Variants in PIK3CA observed in about 807,000 individuals in gnomAD.
PIK3CA encodes phosphatidylinositol-4,5-bisphosphate 3-kinase catalytic subunit alpha.
Under a neutral mutation model 138.2 loss-of-function variants are expected in PIK3CA, and 27 were observed. The ratio of observed to expected loss-of-function variants is 0.20; its 90% CI spans 0.14 to 0.27. The LOEUF (loss-of-function observed/expected upper bound fraction) is 0.27. Among genes scored for constraint, PIK3CA ranks in the 10% least tolerant of loss-of-function variants. The pLI is 1.00. For synonymous variants in PIK3CA, 358 were observed against 413.2 expected, an observed-to-expected ratio of 0.87 and a Z score of 1.62; for missense variants, 544 against 1,277.4, an observed-to-expected ratio of 0.43 and a Z score of 8.75.
chr3:179,169,239 C>G (rs1415729075), intron 1 of PIK3CA: 2 of 152,202 alleles, frequency 1.3e-5, no homozygotes, highest in African/African-American at 4.8e-5. Flanking sequence ...TTTCTCTCCC[C>G]CTGCCTTCTC....
At chr3:179,179,865 T>A (rs1723796184) in intron 1 of PIK3CA, among the ~76,000 whole-genome samples, 1 of 152,168 alleles carries the variant, frequency 6.6e-6, no homozygotes, top group East Asian at 1.9e-4. Context: ...TTAATAAGAC[T>A]GTGAAGGGAC....
intron 1 of PIK3CA, among the ~76,000 whole-genome samples, chr3:179,195,201 G>A (rs1724235872): frequency 6.7e-6 from 1 of 150,006 alleles, no homozygotes; most frequent in Non-Finnish European, 1.5e-5. Flanking sequence ...CCACCTTCAG[G>A]TATTAGCACT....
At chr3:179,183,915 G>T (rs988922604) in intron 1 of PIK3CA, among the ~76,000 whole-genome samples, 32 of 152,282 alleles carry the variant, frequency 2.1e-4, no homozygotes, top group African/African-American at 7.5e-4. Context: ...TGTGTTAACT[G>T]ATGCATAATT....
chr3:179,223,169 A>G (rs184774353), intron 14 of PIK3CA, among the ~76,000 whole-genome samples: 68 of 152,362 alleles, frequency 4.5e-4, no homozygotes, highest in African/African-American at 1.6e-3. Flanking sequence ...TACATGAACA[A>G]GAGCTATCTA....
At chr3:179,150,374 A>G (rs1278270285) in intron 1 of PIK3CA, among the ~76,000 whole-genome samples, 2 of 152,290 alleles carry the variant, frequency 1.3e-5, no homozygotes, top group Non-Finnish European at 2.9e-5. Context: ...TGGGGGAAAT[A>G]ACAAGAAAGT....
chr3:179,189,151 T>A (rs1436618199), intron 1 of PIK3CA, among the ~76,000 whole-genome samples: 2 of 152,058 alleles, frequency 1.3e-5, no homozygotes. Flanking sequence ...TAAACAGAGG[T>A]TGCAGTGAGC....
In PIK3CA at chr3:179,237,960, ATTTAAG is replaced by A. The variant is rs1200846296; in HGVS notation, c.*3602_*3607del. 1 of 214,248 alleles carries A rather than the reference ATTTAAG, an allele frequency of 4.7e-6. No homozygotes were observed. Among genetic ancestry groups the A allele is most frequent in the African/African-American group, 2.3e-5 (1 of 44,242 alleles). 13.3% of individuals were successfully genotyped at this position (214,248 alleles called of 1,614,324 possible). ...TTGATGTCCAAGACATCACTAAAAT[ATTTAAG>A]TTTAAAGATAATATGTGGTGTTAAT... is the stretch of plus-strand genomic sequence containing the variant. On this transcript the variant is annotated 3_prime_UTR_variant, in exon 21 of 21. Coordinates refer to ENST00000263967, the MANE Select transcript of PIK3CA (RefSeq NM_006218.4).
intron 1 of PIK3CA, among the ~76,000 whole-genome samples, chr3:179,192,871 C>A (rs1724169167): frequency 6.6e-6 from 1 of 152,170 alleles, no homozygotes; most frequent in Admixed American, 6.5e-5. Flanking sequence ...GGCTTTCAAT[C>A]TAGGGATTAA....
At position 179,201,560 on chromosome 3, in the gene PIK3CA, A is replaced by G; in HGVS notation, c.813+20A>G. 6.7e-7 allele frequency: 1 copy of G among 1,497,038 alleles called. No homozygotes were observed. The highest frequency in any genetic ancestry group is 9.1e-7 in the Non-Finnish European group (1 of 1,102,380). 92.7% of individuals were successfully genotyped at this position (1,497,038 alleles called of 1,614,324 possible). On this transcript the variant is annotated intron_variant, in intron 4 of 20. Coordinates refer to ENST00000263967, the MANE Select transcript of PIK3CA (RefSeq NM_006218.4). The stretch of plus-strand genomic sequence containing the variant: ...TATAAGGTGAGTAACAAGTTTCAAA[A>G]TATTAATTTTTAATTTAAAAAGTAA...
chr3:179,165,439 C>A (rs1723394582), intron 1 of PIK3CA, among the ~76,000 whole-genome samples: 2 of 152,098 alleles, frequency 1.3e-5, no homozygotes, highest in South Asian at 4.2e-4. Context: ...GACACCCAGG[C>A]TGGAGTGCAG....
chr3:179,204,930 A>T (rs946954642), intron 6 of PIK3CA, among the ~76,000 whole-genome samples: 3 of 145,212 alleles, frequency 2.1e-5, no homozygotes, highest in African/African-American at 5.1e-5. Flanking sequence ...CTGAGGCAGG[A>T]GAATCGCTTG....
intron 9 of PIK3CA, among the ~76,000 whole-genome samples, chr3:179,212,249 C>A (rs1320229984): frequency 6.7e-6 from 1 of 150,288 alleles, no homozygotes; most frequent in Non-Finnish European, 1.5e-5. Flanking sequence ...TTCATGTGAT[C>A]CACCCGCCTC....
chr3:179,198,707 T>C (rs563849688), intron 1 of PIK3CA, 43 bp from the exon 2 acceptor site: 1 of 558,166 alleles, frequency 1.8e-6, no homozygotes, highest in East Asian at 3.0e-5. Context: ...TATTCTTCTG[T>C]AGTTGTGTCT....
chr3:179,150,807 C>A (rs1393590312), intron 1 of PIK3CA, among the ~76,000 whole-genome samples: 1 of 152,170 alleles, frequency 6.6e-6, no homozygotes, highest in Admixed American at 6.5e-5. Context: ...ATAACTTTTT[C>A]TCTAAACCAG....
intron 1 of PIK3CA, among the ~76,000 whole-genome samples, chr3:179,164,286 A>G (rs1207370802): frequency 6.6e-6 from 1 of 152,184 alleles, no homozygotes; most frequent in Non-Finnish European, 1.5e-5. Flanking sequence ...GTGCACCGCT[A>G]TATTTCCGAT....
rs1437711989 is a variant in PIK3CA, at chr3:179,237,666, T to A, written c.*3302T>A. 3 of 209,564 alleles carry A rather than the reference T, an allele frequency of 1.4e-5. No homozygotes were observed. The East Asian group carries it at 2.2e-4, about 15-fold the overall frequency. 13.0% of individuals were successfully genotyped at this position (209,564 alleles called of 1,614,324 possible). On this transcript the variant is annotated 3_prime_UTR_variant, in exon 21 of 21. Coordinates refer to ENST00000263967, the MANE Select transcript of PIK3CA (RefSeq NM_006218.4). ...GAGTGATTTGGAATTATAAAAAAAT[T>A]GTGAGCAGCCTATTTGAAAGGCATC...
At chr3:179,178,806 C>T (rs1560129989) in intron 1 of PIK3CA, among the ~76,000 whole-genome samples, 1 of 152,136 alleles carries the variant, frequency 6.6e-6, no homozygotes, top group South Asian at 2.1e-4. Flanking sequence ...AATCCTCTTC[C>T]GTAGAGTCTC....
intron 10 of PIK3CA, 79 bp downstream of exon 10, chr3:179,218,413 GTTTTTACCATACCTATT>G (rs1224040731): frequency 8.8e-7 from 1 of 1,140,612 alleles, no homozygotes; most frequent in Non-Finnish European, 1.2e-6. Flanking sequence ...ATCTCAGCAT[GTTTTTACCATACCTATT>G]GGAATAAATA....
In PIK3CA at chr3:179,235,768, T is replaced by C. The variant is rs756843284; in HGVS notation, c.*1404T>C. On this transcript the variant is annotated 3_prime_UTR_variant, in exon 21 of 21. Coordinates refer to ENST00000263967, the MANE Select transcript of PIK3CA (RefSeq NM_006218.4). Reference sequence around the variant, plus strand: ...AGTAGAACATTAAACCATTTTAAGATATGTCTCATTCCCAAGTAGTCAGAG... The same window carrying C: ...AGTAGAACATTAAACCATTTTAAGACATGTCTCATTCCCAAGTAGTCAGAG... 44 of 212,158 alleles carry C rather than the reference T, an allele frequency of 2.1e-4. No individual in the cohort carries two copies. The highest frequency in any genetic ancestry group is 3.0e-3 in the Middle Eastern group (2 of 658). The allele number at this position is 212,158 out of a possible 1,614,324, so 13.1% of individuals were successfully genotyped here.
Sources: allele counts gnomAD v4.1 joint callset (sites outside exome capture counted in the v4.1 genomes callset), GRCh38; gene constraint gnomAD v4.1.1; transcripts MANE v1.5; gene names NCBI Gene and HGNC (gene_info 2026-07-23, HGNC 2026-07-21).